Variants in GRIA1 observed in about 807,000 individuals in gnomAD.
GRIA1 encodes the protein glutamate ionotropic receptor AMPA type subunit 1.
In GRIA1, 31 loss-of-function variants were observed where a neutral mutation model predicts 99.2. The observed-to-expected ratio is 0.31, with a 90% confidence interval of 0.23 to 0.42. The LOEUF (loss-of-function observed/expected upper bound fraction) is 0.42, where lower values mean the gene tolerates loss of function less well. GRIA1 is among the 10% of genes least tolerant of loss of function. GRIA1 has a pLI of 1.00. For missense variants in GRIA1, 782 were observed against 1,157.5 expected (o/e 0.68, Z 4.71); for synonymous variants, 438 against 432.4 (o/e 1.01, Z -0.16).
intron 2 of GRIA1, among the ~76,000 whole-genome samples, chr5:153,580,882 C>A (rs144805590): frequency 2.0e-5 from 3 of 152,084 alleles, no homozygotes; most frequent in Non-Finnish European, 4.4e-5. Context: ...CTCAGTGGGA[C>A]GTCTCTGACT....
Position 153,605,540 on chromosome 5 carries a change from G to A in GRIA1, c.221-41388G>A, listed in dbSNP as rs555120068. On this transcript the variant is annotated intron_variant, in intron 2 of 15. Transcript: ENST00000285900. ...CCTGGGAGTGTTATGTGAATGTTCA[G>A]CTTTAATAGATACTGCCAAATAGTT... Among the ~76,000 whole-genome samples, 16 of 152,246 alleles carry A rather than the reference G, an allele frequency of 1.1e-4. No individual in the cohort carries two copies. The South Asian group carries it at 3.3e-3, about 32-fold the overall frequency.
intron 13 of GRIA1, among the ~76,000 whole-genome samples, chr5:153,793,179 T>A (rs914846706): frequency 2.0e-5 from 3 of 152,110 alleles, no homozygotes; most frequent in Admixed American, 1.3e-4. Context: ...AAACAAATAA[T>A]GAAAACAATG....
intron 2 of GRIA1, among the ~76,000 whole-genome samples, chr5:153,513,404 G>A (rs186277157): frequency 4.0e-4 from 61 of 152,178 alleles, no homozygotes; most frequent in Non-Finnish European, 2.4e-4. Context: ...CCCCGCCAAC[G>A]CAGATCCCCG....
intron 11 of GRIA1, among the ~76,000 whole-genome samples, chr5:153,729,248 G>T (rs538335468): frequency 4.6e-5 from 7 of 151,570 alleles, no homozygotes; most frequent in African/African-American, 1.5e-4. Context: ...GTAGGGAGAG[G>T]GGGGAGCGAT....
chr5:153,558,026 T>C (rs2149349114), intron 2 of GRIA1: 1 of 152,376 alleles, frequency 6.6e-6, no homozygotes, highest in Non-Finnish European at 1.5e-5. Context: ...TACATGACTG[T>C]ATGTGTTATA....
chr5:153,651,414 A>G (rs1342912815), intron 4 of GRIA1, among the ~76,000 whole-genome samples: 1 of 147,870 alleles, frequency 6.8e-6, no homozygotes, highest in Non-Finnish European at 1.5e-5. Context: ...GTCTCAAAAC[A>G]AAAGCACATG....
chr5:153,575,428 C>T (rs1438530023), intron 2 of GRIA1, among the ~76,000 whole-genome samples: 6 of 152,108 alleles, frequency 3.9e-5, no homozygotes, highest in African/African-American at 7.2e-5. Flanking sequence ...CAAAGGGTAA[C>T]GAATTCAGCA....
chr5:153,744,448 G>GTGTT (rs1221635785), intron 11 of GRIA1, among the ~76,000 whole-genome samples: 1 of 152,176 alleles, frequency 6.6e-6, no homozygotes, highest in Non-Finnish European at 1.5e-5. Context: ...TGCTCCTCAA[G>GTGTT]TGTTTGAAAT....
intron 13 of GRIA1, among the ~76,000 whole-genome samples, chr5:153,790,080 C>T (rs991634105): frequency 1.3e-5 from 2 of 152,068 alleles, no homozygotes; most frequent in African/African-American, 4.8e-5. Flanking sequence ...TGAGAATTTC[C>T]CAGTACCAGG....
At chr5:153,647,588 G>A (rs1240234333) in intron 3 of GRIA1, among the ~76,000 whole-genome samples, 1 of 152,098 alleles carries the variant, frequency 6.6e-6, no homozygotes, top group Non-Finnish European at 1.5e-5. Flanking sequence ...TGTCTATAAT[G>A]AGGATAAAAA....
intron 2 of GRIA1, among the ~76,000 whole-genome samples, chr5:153,563,859 G>A (rs1203847567): frequency 6.6e-6 from 1 of 152,158 alleles, no homozygotes; most frequent in Non-Finnish European, 1.5e-5. Flanking sequence ...TGGGCAGGGG[G>A]TATGGAGGCA....
intron 2 of GRIA1, among the ~76,000 whole-genome samples, chr5:153,495,556 A>G (rs1373154213): frequency 6.6e-6 from 1 of 152,206 alleles, no homozygotes; most frequent in African/African-American, 2.4e-5. Context: ...GAGGTCTAAT[A>G]AAGTACCTAA....
intron 2 of GRIA1, among the ~76,000 whole-genome samples, chr5:153,529,945 G>T (rs140810448): frequency 6.6e-6 from 1 of 152,062 alleles, no homozygotes; most frequent in Non-Finnish European, 1.5e-5. Context: ...CCTCATTTTC[G>T]AAGCAGATTC....
intron 2 of GRIA1, among the ~76,000 whole-genome samples, chr5:153,603,414 T>G (rs1765169284): frequency 6.6e-6 from 1 of 152,196 alleles, no homozygotes; most frequent in African/African-American, 2.4e-5. Flanking sequence ...AGCAGCATGA[T>G]TTATAGCCCT....
upstream of GRIA1, chr5:153,489,943 T>A: frequency 2.3e-6 from 1 of 427,168 alleles, no homozygotes; most frequent in Non-Finnish European, 4.7e-6. Flanking sequence ...TGCCTAGGAT[T>A]GAAAAGAGAC....
rs548988343 is a variant in GRIA1 at position 153,652,616 on chromosome 5, G to A, written c.645+2102G>A. The stretch of plus-strand genomic sequence containing the variant: ...AACTCCTCTCTCAAAGGGCAAACTT[G>A]CGTTTTGTAAAGAAGTGACCCGTTT... On this transcript the variant is annotated intron_variant, in intron 4 of 15. Transcript: ENST00000285900. Among the ~76,000 whole-genome samples the A allele has an allele frequency of 7.6e-4, 115 of 152,274 alleles. 1 individual carries two copies. The highest frequency in any genetic ancestry group is 6.4e-3 in the South Asian group (31 of 4,824).
intron 14 of GRIA1, 131 bp downstream of exon 14, chr5:153,794,866 A>T: frequency 1.6e-6 from 1 of 632,930 alleles, no homozygotes; most frequent in Non-Finnish European, 2.8e-6. Context: ...GTCAAAGGGA[A>T]GCCCTTTGGT....
intron 11 of GRIA1, among the ~76,000 whole-genome samples, chr5:153,746,495 C>T (rs543380175): frequency 6.6e-6 from 1 of 152,342 alleles, no homozygotes; most frequent in South Asian, 2.1e-4. Context: ...CAACATCCCA[C>T]ATTTAAATAT....
chr5:153,521,741 T>C (rs1757164548), intron 2 of GRIA1, among the ~76,000 whole-genome samples: 1 of 152,150 alleles, frequency 6.6e-6, no homozygotes, highest in East Asian at 1.9e-4. Context: ...CAGGGGCTTG[T>C]TTTAAGGCAT....
Sources: allele counts gnomAD v4.1 joint callset (sites outside exome capture counted in the v4.1 genomes callset), GRCh38; gene constraint gnomAD v4.1.1; transcripts MANE v1.5; gene names NCBI Gene and HGNC (gene_info 2026-07-23, HGNC 2026-07-21).